AK9: variants seen among roughly 807,000 people sequenced by gnomAD.
AK9 encodes adenylate kinase domain containing 1.
AK9 carries 191 observed loss-of-function variants against 239.6 expected under a neutral mutation model. That is an observed-to-expected ratio of 0.80 (90% CI 0.71 to 0.90). The LOEUF (loss-of-function observed/expected upper bound fraction) is 0.90, where lower values mean the gene tolerates loss of function less well. Ranked by LOEUF, AK9 falls within the 40% of genes least tolerant of loss-of-function variation. The pLI is 0.00. For missense variants in AK9, 1,995 were observed against 2,214.7 expected (o/e 0.90, Z 1.99); for synonymous variants, 689 against 721.0 (o/e 0.96, Z 0.71).
chr6:109,514,110 T>C lies in AK9; in HGVS notation c.4279+114A>G, dbSNP rs1173867015. On this transcript the variant is annotated intron_variant, in intron 32 of 40. Transcript: ENST00000424296. ...GTCTCCTCACTCAGCCACCCTACGA[T>C]TAAATGTCTTTTTCTGCTGCAACCC... is the stretch of plus-strand genomic sequence containing the variant. 5 of 1,008,014 alleles carry C rather than the reference T, an allele frequency of 5.0e-6. No individual in the cohort carries two copies. In the East Asian group the frequency reaches 1.3e-4, roughly 26 times the overall value. The allele number at this position is 1,008,014 out of a possible 1,614,324, so 62.4% of individuals were successfully genotyped here.
rs752309615 is a variant in AK9, at chr6:109,656,847, A to G, written c.668T>C (p.Leu223Pro). The change falls in exon 8 of 41, where the codon CTT (leucine) becomes CCT (proline). Residue 223 changes from leucine (L) to proline (P), a missense_variant. Leu to Pro is a moderately conservative substitution (Grantham distance 98). This residue lies in a region of AK9 where 17 missense variants were observed against 39.1 expected (regional missense o/e 0.43). Transcript: ENST00000424296. ...TTCAGGCCTCTGAACTAGATGATGAAGAATTTCAGCCACCATCTGCATTTC... is the reference window on the plus strand; with the variant it reads ...TTCAGGCCTCTGAACTAGATGATGAGGAATTTCAGCCACCATCTGCATTTC... ...IAEMQMVAEI[L>P]HHLVQRPEDY... The G allele has an allele frequency of 6.2e-7, 1 of 1,612,892 alleles. No homozygotes were observed. The highest frequency in any genetic ancestry group is 1.3e-5 in the African/African-American group (1 of 75,000).
intron 29 of AK9, among the ~76,000 whole-genome samples, chr6:109,522,989 A>G (rs551509976): frequency 6.6e-6 from 1 of 152,226 alleles, no homozygotes; most frequent in Non-Finnish European, 1.5e-5. Context: ...GAAATGATTT[A>G]CCTTTTTTCT....
intron 5 of AK9, among the ~76,000 whole-genome samples, chr6:109,666,868 T>C (rs573521900): frequency 2.0e-5 from 3 of 152,288 alleles, no homozygotes; most frequent in South Asian, 2.1e-4. Context: ...AGTGGACACA[T>C]TGGTGACCAA....
At chr6:109,559,652 A>T (rs1363114382) in intron 24 of AK9, among the ~76,000 whole-genome samples, 1 of 152,234 alleles carries the variant, frequency 6.6e-6, no homozygotes, top group African/African-American at 2.4e-5. Context: ...ACATAGAAAT[A>T]AAATTGGTTT....
chr6:109,524,833 G>T (rs1041927710), intron 29 of AK9, among the ~76,000 whole-genome samples: 18 of 152,144 alleles, frequency 1.2e-4, no homozygotes, highest in African/African-American at 4.1e-4. Flanking sequence ...GGCAAATGGA[G>T]CTAGACAGTT....
chr6:109,528,646 G>A (rs1339150012), intron 29 of AK9: 5 of 463,500 alleles, frequency 1.1e-5, no homozygotes, highest in South Asian at 1.5e-5. Context: ...AATATCAGCA[G>A]TCCTCTGTAC....
chr6:109,497,358 A>ACTCTCT (rs1237299336), intron 38 of AK9, 107 bp downstream of exon 38: 16,808 of 564,618 alleles, frequency 0.03, 474 homozygotes, highest in Admixed American at 0.06. Flanking sequence ...ACACACACAC[A>ACTCTCT]CACACTCTCT....
rs771201602 is a variant in AK9, at chr6:109,675,831, C to G, written c.-11-75G>C. The G allele has an allele frequency of 7.2e-6, 6 of 831,886 alleles. No individual in the cohort carries two copies. The East Asian group carries it at 1.7e-4, about 24-fold the overall frequency. 51.5% of individuals were successfully genotyped at this position (831,886 alleles called of 1,614,324 possible). The stretch of plus-strand genomic sequence containing the variant: ...AGGTGACTAGGAACAATTGAAATAA[C>G]CTGTGAGTTTTCTTAGCCCAGAAGT... On this transcript the variant is annotated intron_variant, in intron 1 of 40. Transcript: ENST00000424296.
intron 33 of AK9, among the ~76,000 whole-genome samples, chr6:109,507,168 A>C (rs1778196202): frequency 6.6e-6 from 1 of 152,242 alleles, no homozygotes; most frequent in African/African-American, 2.4e-5. Flanking sequence ...GTATAGCTTT[A>C]GAGGCAGATA....
chr6:109,624,910 TA>T (rs1795331241), intron 12 of AK9, among the ~76,000 whole-genome samples: 2 of 152,154 alleles, frequency 1.3e-5, no homozygotes, highest in African/African-American at 4.8e-5. Context: ...TACTAATACC[TA>T]AAAGGTAACT....
chr6:109,565,020 G>C (rs956948926), intron 21 of AK9, among the ~76,000 whole-genome samples, 175 bp from the exon 22 acceptor site: 32 of 152,138 alleles, frequency 2.1e-4, no homozygotes, highest in Admixed American at 2.1e-3. Context: ...AAAAAAGGCA[G>C]AAAATAAAGA....
chr6:109,670,545 T>C (rs1770698744), intron 5 of AK9, among the ~76,000 whole-genome samples: 1 of 152,170 alleles, frequency 6.6e-6, no homozygotes, highest in Admixed American at 6.5e-5. Context: ...TAATAACAAC[T>C]GTAAAACATT....
chr6:109,520,942 C>T (rs1779795779), intron 29 of AK9, among the ~76,000 whole-genome samples: 1 of 151,920 alleles, frequency 6.6e-6, no homozygotes. Context: ...TAATTTTGTG[C>T]ATTGATTTTT....
intron 39 of AK9, among the ~76,000 whole-genome samples, 180 bp from the exon 40 acceptor site, chr6:109,494,275 T>A (rs956085027): frequency 3.3e-5 from 5 of 152,224 alleles, no homozygotes; most frequent in African/African-American, 1.2e-4. Context: ...ACAAAATACA[T>A]TTGATTAGGA....
Position 109,619,212 on chromosome 6 carries a change from G to C in AK9, c.1279C>G (p.Gln427Glu). ...GKVVDYAQLV[Q>E]PRFDKARETL... is the part of the protein sequence containing the mutation. ...TCACGGGCTTTATCAAAACGTGGCT[G>C]AACAAGTTGGGCATAGTCGACTACC... Residue 427 changes from glutamine to glutamate, a missense_variant, in exon 13 of 41, where the codon CAG (glutamine) becomes GAG (glutamate). Gln to Glu is a conservative substitution (Grantham distance 29). Coordinates refer to ENST00000424296, the MANE Select transcript of AK9 (RefSeq NM_001145128.3). The C allele has an allele frequency of 6.5e-7, 1 of 1,548,454 alleles. No homozygotes were observed. Among genetic ancestry groups the C allele is most frequent in the South Asian group, 1.2e-5 (1 of 83,264 alleles).
At chr6:109,541,925 T>C in intron 27 of AK9, 122 bp downstream of exon 27, 1 of 886,490 alleles carries the variant, frequency 1.1e-6, no homozygotes, top group Non-Finnish European at 1.6e-6. Context: ...AAGTGAAAAA[T>C]CACCAGCTTA....
intron 24 of AK9, among the ~76,000 whole-genome samples, chr6:109,551,480 T>C (rs1053347761): frequency 6.8e-6 from 1 of 146,180 alleles, no homozygotes; most frequent in African/African-American, 2.6e-5. Context: ...GATGGCACAC[T>C]GCACTCCAGC....
At chr6:109,596,894 T>G (rs1232428548) in intron 17 of AK9, among the ~76,000 whole-genome samples, 2 of 152,218 alleles carry the variant, frequency 1.3e-5, no homozygotes, top group Non-Finnish European at 2.9e-5. Flanking sequence ...GTAGTTCTAT[T>G]TTTAGTTCTT....
intron 12 of AK9, among the ~76,000 whole-genome samples, chr6:109,621,923 AC>A (rs1794894469): frequency 2.5e-5 from 3 of 121,962 alleles, no homozygotes; most frequent in Non-Finnish European, 3.5e-5. Context: ...CAAAAAAAAA[AC>A]AGAAAGAGAA....
Sources: gnomAD v4.1 joint callset for allele counts (sites outside exome capture counted in the v4.1 genomes callset) on GRCh38, gnomAD v4.1.1 for gene constraint, gnomAD v4.1.1 regional missense constraint, MANE v1.5 for transcripts, NCBI Gene and HGNC (gene_info 2026-07-23, HGNC 2026-07-21) for gene names.